The following FAM3C variants were observed in gnomAD, a reference collection of about 807,000 sequenced individuals.
FAM3C encodes FAM3 metabolism regulating signaling molecule C.
Under a neutral mutation model 32.5 loss-of-function variants are expected in FAM3C, and 15 were observed. That is an observed-to-expected ratio of 0.46 (90% CI 0.31 to 0.71). The LOEUF is 0.71. FAM3C is among the 30% of genes least tolerant of loss of function. The probability of loss-of-function intolerance (pLI) is 0.05; values close to 1 mark genes in which losing one functional copy is unlikely to be tolerated. For synonymous variants in FAM3C, 75 were observed against 86.1 expected (o/e 0.87, Z 0.72); for missense variants, 175 against 274.4 (o/e 0.64, Z 2.56).
intron 8 of FAM3C, among the ~76,000 whole-genome samples, chr7:121,358,551 G>T (rs1248925752): frequency 6.6e-6 from 1 of 151,802 alleles, no homozygotes; most frequent in Non-Finnish European, 1.5e-5. Context: ...TTGAAATAGT[G>T]TCTTTTTGGA....
chr7:121,380,809 TA>T (rs1227337067), intron 2 of FAM3C, among the ~76,000 whole-genome samples: 1 of 151,348 alleles, frequency 6.6e-6, no homozygotes, highest in African/African-American at 2.4e-5. Flanking sequence ...AAATGCTTTA[TA>T]AGTATAATCT....
intron 2 of FAM3C, among the ~76,000 whole-genome samples, chr7:121,382,365 C>G (rs1017114): frequency 0.038 from 5,804 of 152,086 alleles, 362 homozygotes; most frequent in African/African-American, 0.13. Context: ...AAATACTGAG[C>G]AAAAACACAT....
At chr7:121,353,416 G>T (rs140660580) in intron 8 of FAM3C, among the ~76,000 whole-genome samples, 1 of 152,234 alleles carries the variant, frequency 6.6e-6, no homozygotes, top group African/African-American at 2.4e-5. Context: ...CTTATTCCTT[G>T]CTTTTCCATT....
intron 7 of FAM3C, among the ~76,000 whole-genome samples, chr7:121,362,068 TG>T (rs1753164368): frequency 6.6e-6 from 1 of 152,210 alleles, no homozygotes; most frequent in South Asian, 2.1e-4. Flanking sequence ...TAATAGCTGT[TG>T]GCTTCTAGGG....
intron 7 of FAM3C, among the ~76,000 whole-genome samples, chr7:121,360,483 G>A (rs1465490195): frequency 6.6e-6 from 1 of 152,082 alleles, no homozygotes; most frequent in Non-Finnish European, 1.5e-5. Context: ...CTTATTCTGG[G>A]GTCCATGCAT....
At chr7:121,386,756 C>T (rs1013189265) in intron 1 of FAM3C, among the ~76,000 whole-genome samples, 2 of 150,206 alleles carry the variant, frequency 1.3e-5, no homozygotes, top group South Asian at 2.1e-4. Flanking sequence ...TAATACAGAC[C>T]CCCTCAAGAA....
intron 8 of FAM3C, among the ~76,000 whole-genome samples, chr7:121,356,906 A>AC (rs1490142961): frequency 6.6e-6 from 1 of 152,166 alleles, no homozygotes; most frequent in Non-Finnish European, 1.5e-5. Context: ...AAGTTTTCTT[A>AC]GATGTAAGTT....
At chr7:121,377,051 G>A (rs1794251281) in intron 3 of FAM3C, among the ~76,000 whole-genome samples, 1 of 152,084 alleles carries the variant, frequency 6.6e-6, no homozygotes, top group Non-Finnish European at 1.5e-5. Context: ...ATCCCTATGT[G>A]TCATGGGAGG....
At chr7:121,354,679 C>T (rs566770817) in intron 8 of FAM3C, among the ~76,000 whole-genome samples, 20 of 152,194 alleles carry the variant, frequency 1.3e-4, no homozygotes, top group Admixed American at 6.5e-4. Context: ...GGAAGAAAAT[C>T]GCCATATTAC....
In FAM3C at chr7:121,381,670, A is replaced by ACT. The variant is rs890079521; in HGVS notation, c.13+1286_13+1287insAG. ...TCAAAGAACATCCACACACACACAC[A>ACT]CACACACACACACACACACACGCAT... On this transcript the variant is annotated intron_variant, in intron 2 of 9. Transcript: ENST00000359943. Among the ~76,000 whole-genome samples, 43 of 146,464 alleles carry ACT rather than the reference A, an allele frequency of 2.9e-4. 1 individual carries two copies. Among genetic ancestry groups the ACT allele is most frequent in the African/African-American group, 1.1e-3 (41 of 36,262 alleles).
At position 121,396,291 on chromosome 7, in the gene FAM3C, C is replaced by A. The variant is rs143597774; in HGVS notation, c.-171G>T. On this transcript the variant is annotated 5_prime_UTR_variant, in exon 1 of 10. Transcript: ENST00000359943. The stretch of plus-strand genomic sequence containing the variant: ...GCTTCCTCTCGGACTCCTCCGGCTG[C>A]CCCTCACCCCGGCAAGTGGCCAGGA... 5.6e-3 allele frequency: 860 copies of A among 152,438 alleles called. 3 individuals are homozygous for A. Among genetic ancestry groups the A allele is most frequent in the Middle Eastern group, 0.01 (3 of 292 alleles). 9.4% of individuals were successfully genotyped at this position (152,438 alleles called of 1,614,324 possible).
intron 4 of FAM3C, 101 bp from the exon 5 acceptor site, chr7:121,371,524 C>T (rs1794146821): frequency 3.3e-6 from 4 of 1,209,820 alleles, no homozygotes; most frequent in Non-Finnish European, 3.5e-6. Context: ...TTAAGAAAAA[C>T]ATCAAGATAC....
rs117154265 is a variant in FAM3C at position 121,368,871 on chromosome 7, T to C, written c.272+2429A>G. Among the ~76,000 whole-genome samples, 945 of 151,962 alleles carry C rather than the reference T, an allele frequency of 6.2e-3. 5 individuals carry two copies. The highest frequency in any genetic ancestry group is 0.011 in the Non-Finnish European group (738 of 67,928). On this transcript the variant is annotated intron_variant, in intron 5 of 9. Transcript: ENST00000359943. ...GTTCCATAACCCTCAATCTAAAAGT[T>C]AGACACCTCTTTCCATCCACTCTCG... is the stretch of plus-strand genomic sequence containing the variant.
chr7:121,361,379 TAACA>T (rs1489669580), intron 7 of FAM3C, among the ~76,000 whole-genome samples: 1 of 152,240 alleles, frequency 6.6e-6, no homozygotes, highest in Non-Finnish European at 1.5e-5. Flanking sequence ...ACAAGGCAGC[TAACA>T]AACTACTTCC....
Position 121,389,749 on chromosome 7 carries a change from A to G in FAM3C, c.-42+6413T>C, listed in dbSNP as rs140014631. Among the ~76,000 whole-genome samples the G allele has an allele frequency of 4.9e-4, 75 of 151,930 alleles. 1 individual carries two copies. The East Asian group carries it at 0.013, about 27-fold the overall frequency. On this transcript the variant is annotated intron_variant, in intron 1 of 9. Coordinates refer to ENST00000359943, the MANE Select transcript of FAM3C (RefSeq NM_014888.3). ...CATTAATGAGGGCTGTGGACTCTCTAACAGGAAAGTGGCAAAAAAAAAAAA... is the reference window on the plus strand; with the variant it reads ...CATTAATGAGGGCTGTGGACTCTCTGACAGGAAAGTGGCAAAAAAAAAAAA...
intron 8 of FAM3C, among the ~76,000 whole-genome samples, chr7:121,353,837 C>T (rs1793757346): frequency 6.6e-6 from 1 of 152,172 alleles, no homozygotes; most frequent in South Asian, 2.1e-4. Flanking sequence ...GACTTTGTCC[C>T]ATGAACCTTT....
chr7:121,356,976 A>C (rs1042239062), intron 8 of FAM3C, among the ~76,000 whole-genome samples: 4 of 152,212 alleles, frequency 2.6e-5, no homozygotes, highest in Non-Finnish European at 4.4e-5. Context: ...TGATTAACAA[A>C]GGAAAAGATG....
At chr7:121,356,976 A>G (rs1042239062) in intron 8 of FAM3C, among the ~76,000 whole-genome samples, 4 of 152,212 alleles carry the variant, frequency 2.6e-5, no homozygotes, top group Non-Finnish European at 5.9e-5. Flanking sequence ...TGATTAACAA[A>G]GGAAAAGATG....
chr7:121,350,356 C>T lies in FAM3C; in HGVS notation c.*105G>A. ...AAAAGAGACAATACTCATGCACACA[C>T]CAAGATGGCTGCATGCTCTTAAAAT... On this transcript the variant is annotated 3_prime_UTR_variant, in exon 10 of 10. Coordinates refer to ENST00000359943, the MANE Select transcript of FAM3C (RefSeq NM_014888.3). 2 of 1,412,584 alleles carry T rather than the reference C, an allele frequency of 1.4e-6. No homozygotes were observed. Among genetic ancestry groups the T allele is most frequent in the Non-Finnish European group, 2.0e-6 (2 of 1,007,174 alleles). 87.5% of individuals were successfully genotyped at this position (1,412,584 alleles called of 1,614,324 possible). A position where few individuals can be genotyped will look rare whatever the true frequency, so the allele number is the denominator to read the frequency against.
Sources: gnomAD v4.1 joint callset for allele counts (sites outside exome capture counted in the v4.1 genomes callset) on GRCh38, gnomAD v4.1.1 for gene constraint, MANE v1.5 for transcripts, NCBI Gene and HGNC (gene_info 2026-07-23, HGNC 2026-07-21) for gene names.